Variants in SUMF1 observed in about 807,000 individuals in gnomAD.
The protein encoded by SUMF1 is formylglycine-generating enzyme.
A neutral mutation model predicts 47.6 loss-of-function variants in SUMF1; 48 were observed. That is an observed-to-expected ratio of 1.01 (90% confidence interval 0.80 to 1.28). The LOEUF (loss-of-function observed/expected upper bound fraction) is 1.28. Among genes scored for constraint, SUMF1 ranks in the 50% most tolerant of loss-of-function variants. SUMF1 has a pLI of 0.00. For synonymous variants in SUMF1, 230 were observed against 192.1 expected, an observed-to-expected ratio of 1.20 and a Z score of -1.63; for missense variants, 571 against 485.4, an observed-to-expected ratio of 1.18 and a Z score of -1.66.
At chr3:4,059,966 T>G (rs914015583) in intron 9 of SUMF1, among the ~76,000 whole-genome samples, 1 of 151,952 alleles carries the variant, frequency 6.6e-6, no homozygotes, top group South Asian at 2.1e-4. Context: ...GTTAAGGAAC[T>G]GAAAGAAGGT....
intron 8 of SUMF1, among the ~76,000 whole-genome samples, chr3:4,263,256 T>C (rs1394765692): frequency 6.6e-6 from 1 of 152,178 alleles, no homozygotes; most frequent in East Asian, 1.9e-4. Context: ...CTTCTGAAGA[T>C]GACCTAATAA....
At chr3:4,221,202 G>A (rs1005915124) in intron 8 of SUMF1, among the ~76,000 whole-genome samples, 4 of 152,068 alleles carry the variant, frequency 2.6e-5, no homozygotes, top group Non-Finnish European at 4.4e-5. Flanking sequence ...CAAGAAACAT[G>A]TGCTGATGCC....
At chr3:4,114,857 A>G (rs1390320574) in intron 8 of SUMF1, among the ~76,000 whole-genome samples, 1 of 152,188 alleles carries the variant, frequency 6.6e-6, no homozygotes, top group African/African-American at 2.4e-5. Context: ...AACTTATTTA[A>G]AATATGTAGC....
chr3:4,299,167 A>G (rs749379568), intron 8 of SUMF1, among the ~76,000 whole-genome samples: 2 of 152,208 alleles, frequency 1.3e-5, no homozygotes, highest in Non-Finnish European at 2.9e-5. Flanking sequence ...CTTAAAATCT[A>G]TAGCTTCTGA....
intron 8 of SUMF1, among the ~76,000 whole-genome samples, chr3:4,375,706 T>G (rs569551492): frequency 3.3e-5 from 5 of 151,896 alleles, no homozygotes; most frequent in African/African-American, 9.7e-5. Flanking sequence ...ACGTGAAAAA[T>G]ATATGACTCA....
intron 8 of SUMF1, among the ~76,000 whole-genome samples, chr3:4,126,663 C>T (rs914653053): frequency 6.6e-6 from 1 of 152,046 alleles, no homozygotes; most frequent in Non-Finnish European, 1.5e-5. Context: ...TCAGGAAGAA[C>T]TAAAACTGGC....
At chr3:4,283,302 A>G (rs1357658377) in intron 8 of SUMF1, among the ~76,000 whole-genome samples, 5 of 152,194 alleles carry the variant, frequency 3.3e-5, no homozygotes, top group African/African-American at 7.2e-5. Context: ...GTATCATTTC[A>G]TCCTTTTATT....
intron 8 of SUMF1, among the ~76,000 whole-genome samples, chr3:4,318,753 CA>C (rs1382769153): frequency 6.6e-6 from 1 of 152,056 alleles, no homozygotes; most frequent in Non-Finnish European, 1.5e-5. Flanking sequence ...ACTAAAACTA[CA>C]AAAATAAGCT....
intron 8 of SUMF1, among the ~76,000 whole-genome samples, chr3:4,079,416 G>A (rs1191759259): frequency 6.6e-6 from 1 of 151,954 alleles, no homozygotes. Flanking sequence ...GGAGTTTACT[G>A]AAATAAGGTA....
At chr3:4,217,784 G>T (rs1695968617) in intron 8 of SUMF1, among the ~76,000 whole-genome samples, 1 of 150,532 alleles carries the variant, frequency 6.6e-6, no homozygotes, top group East Asian at 2.0e-4. Context: ...AAAAGAATAA[G>T]ATATATCCAC....
At chr3:4,246,122 C>T (rs564418677) in intron 8 of SUMF1, among the ~76,000 whole-genome samples, 6 of 152,236 alleles carry the variant, frequency 3.9e-5, no homozygotes, top group South Asian at 4.1e-4. Context: ...AGAAAAGTGC[C>T]GTATTTGGGC....
chr3:4,133,685 A>T (rs1574912789), intron 8 of SUMF1, among the ~76,000 whole-genome samples: 1 of 152,080 alleles, frequency 6.6e-6, no homozygotes, highest in East Asian at 1.9e-4. Context: ...GCCCTTGAAC[A>T]TCGGACTCCA....
intron 7 of SUMF1, among the ~76,000 whole-genome samples, chr3:4,398,074 A>G (rs1441685786): frequency 6.6e-6 from 1 of 152,106 alleles, no homozygotes; most frequent in Non-Finnish European, 1.5e-5. Context: ...TAGGTGGCTG[A>G]GCTATGACTT....
At chr3:4,130,282 G>C (rs1693756653) in intron 8 of SUMF1, among the ~76,000 whole-genome samples, 1 of 152,140 alleles carries the variant, frequency 6.6e-6, no homozygotes, top group Admixed American at 6.5e-5. Context: ...CCTGGTACCT[G>C]GTATGCAGCC....
intron 3 of SUMF1, among the ~76,000 whole-genome samples, chr3:4,443,789 G>A (rs1216192526): frequency 1.3e-5 from 2 of 151,730 alleles, no homozygotes; most frequent in Non-Finnish European, 2.9e-5. Flanking sequence ...AAAAAAGAGA[G>A]AGAAAAAAAT....
At chr3:4,453,375 C>CT (rs947794124) in intron 1 of SUMF1, among the ~76,000 whole-genome samples, 70 of 148,434 alleles carry the variant, frequency 4.7e-4, no homozygotes, top group South Asian at 1.3e-3. Flanking sequence ...TCCCACTTTT[C>CT]TTTTTTTTTT....
At chr3:4,466,724 G>A (rs1344716034) in intron 1 of SUMF1, among the ~76,000 whole-genome samples, 1 of 152,150 alleles carries the variant, frequency 6.6e-6, no homozygotes, top group African/African-American at 2.4e-5. Context: ...TAAGAGAACA[G>A]GTTGGAGGGA....
rs1441427682 is a variant in SUMF1, at chr3:4,457,051, C to CGT, written c.271-4004_271-4003dup. Among the ~76,000 whole-genome samples the CGT allele has an allele frequency of 6.3e-3, 414 of 65,378 alleles. 3 individuals carry two copies. Among genetic ancestry groups the CGT allele is most frequent in the African/African-American group, 0.019 (398 of 21,066 alleles). The allele number at this position is 65,378 out of a possible 152,430, so 42.9% of individuals were successfully genotyped here. On this transcript the variant is annotated intron_variant, in intron 1 of 8. Transcript: ENST00000272902. ...ATACGTGTGTGTGTATATATATATA[C>CGT]GTGTGTGTATATATATATATATACG... is the stretch of plus-strand genomic sequence containing the variant.
rs369204570 is a variant in SUMF1 at position 4,148,878 on chromosome 3, G to A, written c.1015-80133C>T. Among the ~76,000 whole-genome samples the A allele has an allele frequency of 1.4e-4, 21 of 152,172 alleles. No homozygotes were observed. In the South Asian group the frequency reaches 2.5e-3, roughly 18 times the overall value. ...TACACAAGGGTCATATCAACTGTGC[G>A]TTTACTTACCCAAATTCAATTCTAC... On this transcript the variant is annotated intron_variant and NMD_transcript_variant, in intron 8 of 12. Coordinates refer to the SUMF1 transcript ENST00000448413.
Sources: allele counts gnomAD v4.1 joint callset (sites outside exome capture counted in the v4.1 genomes callset), GRCh38; gene constraint gnomAD v4.1.1; transcripts MANE v1.5; gene names NCBI Gene and HGNC (gene_info 2026-07-23, HGNC 2026-07-21).